The following MAP3K20 variants were observed in gnomAD, a reference collection of about 807,000 sequenced individuals.
MAP3K20 encodes HCCS-4.
In MAP3K20, 40 loss-of-function variants were observed where a neutral mutation model predicts 85.7. The ratio of observed to expected loss-of-function variants is 0.47; its 90% CI spans 0.36 to 0.61. MAP3K20 has a LOEUF of 0.61. Among genes scored for constraint, MAP3K20 ranks in the 20% least tolerant of loss-of-function variants. The pLI is 0.00. For synonymous variants in MAP3K20, 325 were observed against 327.7 expected (o/e 0.99, Z 0.09); for missense variants, 817 against 961.7 (o/e 0.85, Z 1.99).
At chr2:173,228,033 G>C (rs1193959771) in intron 11 of MAP3K20, among the ~76,000 whole-genome samples, 3 of 152,178 alleles carry the variant, frequency 2.0e-5, no homozygotes, top group Non-Finnish European at 2.9e-5. Context: ...TAAAGCAAGT[G>C]AATGTGTGTG....
chr2:173,240,908 C>T (rs1684764542), intron 16 of MAP3K20, among the ~76,000 whole-genome samples: 1 of 152,176 alleles, frequency 6.6e-6, no homozygotes, highest in Non-Finnish European at 1.5e-5. Flanking sequence ...AAACATGGTA[C>T]ATATACACAA....
chr2:173,175,781 G>A (rs575949637), intron 3 of MAP3K20, among the ~76,000 whole-genome samples: 21 of 152,162 alleles, frequency 1.4e-4, no homozygotes, highest in African/African-American at 4.8e-4. Context: ...TTTCTTAGGC[G>A]TTTTGCTGGA....
At chr2:173,140,185 T>C (rs1688927799) in intron 2 of MAP3K20, among the ~76,000 whole-genome samples, 1 of 152,016 alleles carries the variant, frequency 6.6e-6, no homozygotes, top group Admixed American at 6.6e-5. Context: ...CTAATTTTTG[T>C]ATTTTTAGTA....
chr2:173,265,190 C>G (rs912096380), intron 19 of MAP3K20, among the ~76,000 whole-genome samples: 10 of 152,176 alleles, frequency 6.6e-5, no homozygotes, highest in African/African-American at 2.4e-4. Flanking sequence ...CTGATACTCT[C>G]CACGCGCACT....
At chr2:173,084,424 C>CG (rs1553562251) in intron 1 of MAP3K20, among the ~76,000 whole-genome samples, 1 of 136,556 alleles carries the variant, frequency 7.3e-6, no homozygotes, top group Non-Finnish European at 1.6e-5. Flanking sequence ...CCAAAAAGTG[C>CG]AAAAAAAAAA....
intron 2 of MAP3K20, among the ~76,000 whole-genome samples, chr2:173,141,505 TTAATA>T (rs1688970406): frequency 6.6e-6 from 1 of 152,120 alleles, no homozygotes; most frequent in African/African-American, 2.4e-5. Flanking sequence ...TGAAGACAGA[TTAATA>T]TAATTTATCA....
At chr2:173,190,867 C>A in intron 5 of MAP3K20, 28 bp from the exon 6 acceptor site, 2 of 1,564,028 alleles carry the variant, frequency 1.3e-6, no homozygotes, top group South Asian at 2.3e-5. Flanking sequence ...AGATGATTGT[C>A]ATAATTTATC....
At chr2:173,222,565 C>G in intron 11 of MAP3K20, 1 of 985,550 alleles carries the variant, frequency 1.0e-6, no homozygotes. Flanking sequence ...CCTGTATTTT[C>G]CAGCAAGTGG....
chr2:173,180,089 C>CT (rs886174030), intron 3 of MAP3K20, among the ~76,000 whole-genome samples: 29 of 152,076 alleles, frequency 1.9e-4, no homozygotes, highest in East Asian at 9.7e-4. Context: ...TCCCAGCAGA[C>CT]TTTTTTTTAG....
At chr2:173,147,143 A>G (rs922645441) in intron 2 of MAP3K20, among the ~76,000 whole-genome samples, 2 of 152,122 alleles carry the variant, frequency 1.3e-5, no homozygotes, top group Non-Finnish European at 2.9e-5. Flanking sequence ...TTATTGCCCT[A>G]TTCTGTGGGT....
chr2:173,182,485 A>C (rs1483263311), intron 3 of MAP3K20, among the ~76,000 whole-genome samples: 2 of 152,216 alleles, frequency 1.3e-5, no homozygotes, highest in African/African-American at 4.8e-5. Context: ...CACTGTCATT[A>C]AGCTGTCTGA....
At chr2:173,256,480 AATAGATAGATAGATAG>A (rs56269594) in intron 16 of MAP3K20, among the ~76,000 whole-genome samples, 11,466 of 149,294 alleles carry the variant, frequency 0.077, 871 homozygotes, top group African/African-American at 0.19. Flanking sequence ...AATTTAAAAA[AATAGATAGATAGATAG>A]ATAGATAGAT....
At chr2:173,196,241 C>T (rs1220464895) in intron 7 of MAP3K20, among the ~76,000 whole-genome samples, 2 of 152,158 alleles carry the variant, frequency 1.3e-5, no homozygotes, top group Non-Finnish European at 2.9e-5. Context: ...GTATCTTTTC[C>T]CCTCCCCAGC....
chr2:173,169,750 TTGAC>T (rs1188543498), intron 2 of MAP3K20, 51 bp from the exon 3 acceptor site: 1 of 1,548,354 alleles, frequency 6.5e-7, no homozygotes, highest in East Asian at 2.3e-5. Flanking sequence ...CCTGTTTTAT[TTGAC>T]TATTATAAAT....
rs1009518162 is a variant in MAP3K20, at chr2:173,200,884, G to A, written c.669+2772G>A. On this transcript the variant is annotated intron_variant, in intron 8 of 19. Coordinates refer to ENST00000375213, the MANE Select transcript of MAP3K20 (RefSeq NM_016653.3). ...TGACCTCAAGTGATCCACCTGCCTC[G>A]GCCTCCCAAAGTGCTGGGATTACAG... is the stretch of plus-strand genomic sequence containing the variant. Among the ~76,000 whole-genome samples, 9 of 152,178 alleles carry A rather than the reference G, an allele frequency of 5.9e-5. No individual in the cohort carries two copies. The East Asian group carries it at 7.7e-4, about 13-fold the overall frequency.
chr2:173,105,926 T>C (rs1267630041), intron 2 of MAP3K20, among the ~76,000 whole-genome samples: 1 of 152,208 alleles, frequency 6.6e-6, no homozygotes, highest in African/African-American at 2.4e-5. Flanking sequence ...TTATGTACTA[T>C]AATTTTTAAA....
At chr2:173,103,085 T>G (rs1687680927) in intron 2 of MAP3K20, among the ~76,000 whole-genome samples, 1 of 151,960 alleles carries the variant, frequency 6.6e-6, no homozygotes, top group Non-Finnish European at 1.5e-5. Context: ...AAAAAAGAAA[T>G]ATATACTCAT....
chr2:173,225,334 C>A, intron 11 of MAP3K20: 1 of 269,568 alleles, frequency 3.7e-6, no homozygotes, highest in Non-Finnish European at 5.7e-6. Context: ...TGGCTCACGC[C>A]TGTAATCCCA....
At chr2:173,082,915 C>T in intron 1 of MAP3K20, among the ~76,000 whole-genome samples, 1 of 152,260 alleles carries the variant, frequency 6.6e-6, no homozygotes, top group East Asian at 1.9e-4. Flanking sequence ...AACTACATTC[C>T]TGTGCCTCCC....
Sources: allele counts gnomAD v4.1 joint callset (sites outside exome capture counted in the v4.1 genomes callset), GRCh38; gene constraint gnomAD v4.1.1; transcripts MANE v1.5; gene names NCBI Gene and HGNC (gene_info 2026-07-23, HGNC 2026-07-21).